The following LIPA variants were observed in gnomAD, a reference collection of about 807,000 sequenced individuals.
The protein encoded by LIPA is lipase A, lysosomal acid type, also known as lysosomal acid lipase/cholesteryl ester hydrolase.
LIPA carries 26 observed loss-of-function variants against 40.6 expected under a neutral mutation model. The ratio of observed to expected loss-of-function variants is 0.64; its 90% CI spans 0.47 to 0.89. The LOEUF is 0.89. Ranked by LOEUF, LIPA falls within the 40% of genes least tolerant of loss-of-function variation. LIPA has a pLI of 0.00. For missense variants in LIPA, 455 were observed against 479.6 expected (o/e 0.95, Z 0.48); for synonymous variants, 188 against 168.4 (o/e 1.12, Z -0.90).
At chr10:89,330,449 C>A (rs1843638398) in intron 1 of LIPA, among the ~76,000 whole-genome samples, 1 of 152,170 alleles carries the variant, frequency 6.6e-6, no homozygotes, top group Non-Finnish European at 1.5e-5. Flanking sequence ...CAACTATGCT[C>A]ACTTTAGAGA....
chr10:89,306,018 C>G (rs369117025), intron 1 of LIPA: 350 of 1,613,978 alleles, frequency 2.2e-4, no homozygotes, highest in Admixed American at 3.5e-4. Flanking sequence ...TGCCATTTCA[C>G]CTGGAACTTG....
intron 1 of LIPA, among the ~76,000 whole-genome samples, chr10:89,293,377 C>T (rs369219935): frequency 6.6e-6 from 1 of 152,162 alleles, no homozygotes; most frequent in East Asian, 1.9e-4. Context: ...TATTACTTAA[C>T]AGCAGCAGCC....
chr10:89,274,623 T>G (rs901841616), intron 1 of LIPA, among the ~76,000 whole-genome samples: 7 of 152,216 alleles, frequency 4.6e-5, no homozygotes, highest in Non-Finnish European at 8.8e-5. Context: ...TATCCTGGGC[T>G]CACTGACCCT....
chr10:89,383,187 C>A, intron 2 of LIPA: 1 of 773,306 alleles, frequency 1.3e-6, no homozygotes, highest in Non-Finnish European at 2.1e-6. Context: ...GACTGTAGAA[C>A]CCAGAGGGGC....
chr10:89,239,375 G>A (rs1306391873), intron 3 of LIPA, among the ~76,000 whole-genome samples: 1 of 152,190 alleles, frequency 6.6e-6, no homozygotes, highest in Non-Finnish European at 1.5e-5. Context: ...TTCCTCATCT[G>A]TAAAACAGGA....
intron 2 of LIPA, among the ~76,000 whole-genome samples, chr10:89,349,203 C>G (rs1843943288): frequency 6.6e-6 from 1 of 152,200 alleles, no homozygotes; most frequent in Non-Finnish European, 1.5e-5. Context: ...GGAGAGAACA[C>G]TGGAGGTTGA....
At chr10:89,384,817 G>A (rs993515913) in intron 2 of LIPA, 3 of 1,295,900 alleles carry the variant, frequency 2.3e-6, no homozygotes, top group African/African-American at 3.0e-5. Flanking sequence ...CAAACTTAAA[G>A]CTGTTGGAAA....
At chr10:89,303,117 C>A (rs1843456367) in intron 1 of LIPA, among the ~76,000 whole-genome samples, 1 of 151,410 alleles carries the variant, frequency 6.6e-6, no homozygotes, top group African/African-American at 2.4e-5. Context: ...ATGGTCTTAT[C>A]TTAGAATTTT....
intron 2 of LIPA, among the ~76,000 whole-genome samples, chr10:89,357,423 T>G (rs1016838078): frequency 3.2e-4 from 49 of 152,322 alleles, no homozygotes; most frequent in African/African-American, 1.1e-3. Context: ...TCTAGCATAT[T>G]TTTAAATTCC....
At chr10:89,226,747 A>T in intron 5 of LIPA, 148 bp downstream of exon 5, 3 of 629,122 alleles carry the variant, frequency 4.8e-6, no homozygotes, top group Non-Finnish European at 8.5e-6. Context: ...AATGTTACCA[A>T]CATTCCTTAT....
chr10:89,215,049 T>G lies in LIPA; in HGVS notation c.979A>C (p.Thr327Pro). Residue 327 changes from threonine to proline, a missense_variant, in exon 10 of 10, where the codon ACA becomes CCA. By Grantham distance (38) the Thr-to-Pro change is conservative. Transcript: ENST00000336233. ...YFHYNQSYPPTYNVKDMLVPT... is the reference protein window; with the variant it reads ...YFHYNQSYPPPYNVKDMLVPT... ...ACAAGCATGTCCTTCACATTGTATG[T>G]GGGAGGATAACTCTACAATGAAAAG... 6.2e-7 allele frequency: 1 copy of G among 1,611,668 alleles called. No individual in the cohort carries two copies. The highest frequency in any genetic ancestry group is 8.5e-7 in the Non-Finnish European group (1 of 1,177,730).
At chr10:89,366,652 C>A (rs1844059052) in intron 2 of LIPA, among the ~76,000 whole-genome samples, 1 of 152,052 alleles carries the variant, frequency 6.6e-6, no homozygotes, top group Non-Finnish European at 1.5e-5. Context: ...TTAGAATGGC[C>A]ATCATTAAAA....
At chr10:89,279,594 G>A (rs1165653286) in intron 1 of LIPA, among the ~76,000 whole-genome samples, 1 of 152,206 alleles carries the variant, frequency 6.6e-6, no homozygotes, top group African/African-American at 2.4e-5. Flanking sequence ...CAAACCACAA[G>A]GGATGATAGA....
intron 1 of LIPA, among the ~76,000 whole-genome samples, chr10:89,282,379 T>C (rs181231918): frequency 6.6e-6 from 1 of 152,264 alleles, no homozygotes; most frequent in African/African-American, 2.4e-5. Context: ...GGCTCATGCG[T>C]GTAATCTCAG....
intron 2 of LIPA, among the ~76,000 whole-genome samples, chr10:89,359,749 C>T (rs1441562482): frequency 6.6e-6 from 1 of 151,868 alleles, no homozygotes; most frequent in Non-Finnish European, 1.5e-5. Context: ...GGTTGATGGG[C>T]GTCTTCCTCT....
chr10:89,358,490 G>A (rs1401811893), intron 2 of LIPA, among the ~76,000 whole-genome samples: 1 of 152,158 alleles, frequency 6.6e-6, no homozygotes. Flanking sequence ...GTTCATTGGA[G>A]CACCATTCAC....
chr10:89,403,949 G>A (rs1844487002), intron 2 of LIPA: 1 of 374,134 alleles, frequency 2.7e-6, no homozygotes, highest in African/African-American at 2.1e-5. Context: ...AAAAATGTTA[G>A]TTAACTTTGT....
intron 5 of LIPA, 70 bp from the exon 6 acceptor site, chr10:89,225,298 C>CGTCA: frequency 6.3e-7 from 1 of 1,595,354 alleles, no homozygotes. Context: ...ACACAAAGGC[C>CGTCA]GTCACTCGCG....
intron 1 of LIPA, among the ~76,000 whole-genome samples, chr10:89,321,858 G>A (rs557064403): frequency 2.6e-5 from 4 of 152,248 alleles, no homozygotes; most frequent in African/African-American, 9.6e-5. Context: ...AGAAAATGTG[G>A]CACATATACA....
Sources: allele counts gnomAD v4.1 joint callset (sites outside exome capture counted in the v4.1 genomes callset), GRCh38; gene constraint gnomAD v4.1.1; transcripts MANE v1.5; gene names NCBI Gene and HGNC (gene_info 2026-07-23, HGNC 2026-07-21).